Variants in TRPA1 observed in about 807,000 individuals in gnomAD.
The protein encoded by TRPA1 is transient receptor potential cation channel subfamily A member 1, also known as ankyrin-like with transmembrane domains 1.
TRPA1 carries 129 observed loss-of-function variants against 131.3 expected under a neutral mutation model. The observed-to-expected ratio is 0.98, with a 90% CI of 0.85 to 1.14. The LOEUF is 1.14. Among genes scored for constraint, TRPA1 ranks in the 50% most tolerant of loss-of-function variants. The pLI is 0.00. For missense variants in TRPA1, 1,304 were observed against 1,354.2 expected (o/e 0.96, Z 0.58); for synonymous variants, 441 against 451.7 (o/e 0.98, Z 0.30).
intron 4 of TRPA1, 89 bp downstream of exon 4, chr8:72,065,360 GAA>G (rs1472094574): frequency 3.4e-5 from 42 of 1,222,298 alleles, no homozygotes; most frequent in Non-Finnish European, 1.2e-6. Context: ...TTTCTAAGGA[GAA>G]AAACTTAAGA....
At position 72,039,023 on chromosome 8, in the gene TRPA1, C is replaced by G. The variant is rs757017078; in HGVS notation, c.2137G>C (p.Ala713Pro). 4 of 1,611,998 alleles carry G rather than the reference C, an allele frequency of 2.5e-6. No homozygotes were observed. Among genetic ancestry groups the G allele is most frequent in the Middle Eastern group, 1.7e-4 (1 of 6,050 alleles). The change falls in exon 19 of 27, where the codon GCT (alanine) becomes CCT (proline). Residue 713 changes from alanine to proline, a missense_variant. Transcript: ENST00000262209. ...ATCATATGAGCTCTAAATCCATAAGCCAACCTACAAAAATATAAGCAAACC... is the reference window on the plus strand; with the variant it reads ...ATCATATGAGCTCTAAATCCATAAGGCAACCTACAAAAATATAAGCAAACC... ...CKEYLLMKWL[A>P]YGFRAHMMNL...
Position 72,056,899 on chromosome 8 carries a change from T to A in TRPA1, c.1194+18A>T. 1 of 1,567,844 alleles carries A rather than the reference T, an allele frequency of 6.4e-7. No individual in the cohort carries two copies. The highest frequency in any genetic ancestry group is 1.1e-5 in the South Asian group (1 of 88,502). On this transcript the variant is annotated intron_variant, in intron 10 of 26. Coordinates refer to ENST00000262209, the MANE Select transcript of TRPA1 (RefSeq NM_007332.3). ...TTGAACCCAACTCAGTTAATGGCAATCCACAGATATACATTACCTGCATAA... is the reference window on the plus strand; with the variant it reads ...TTGAACCCAACTCAGTTAATGGCAAACCACAGATATACATTACCTGCATAA...
In TRPA1 at chr8:72,057,770, A is replaced by G. The variant is rs758385875; in HGVS notation, c.1040T>C (p.Ile347Thr). ...KIDSEGRSPL[I>T]LATASASWNI... is the part of the protein sequence containing the mutation. ...CCAAGATGCAGAAGCAGTTGCTAAT[A>G]TAAGTGGAGAGCGTCCTTCAGAATC... The change falls in exon 9 of 27, where the codon ATA becomes ACA. Residue 347 changes from isoleucine to threonine, a missense_variant. By Grantham distance (89) the Ile-to-Thr change is moderately conservative. Coordinates refer to ENST00000262209, the MANE Select transcript of TRPA1 (RefSeq NM_007332.3). 6.2e-7 allele frequency: 1 copy of G among 1,614,006 alleles called. No homozygotes were observed. The highest frequency in any genetic ancestry group is 1.7e-5 in the Admixed American group (1 of 59,978).
chr8:72,025,648 A>T (rs958417219), intron 25 of TRPA1, among the ~76,000 whole-genome samples: 6 of 152,204 alleles, frequency 3.9e-5, no homozygotes, highest in Non-Finnish European at 8.8e-5. Flanking sequence ...CAAATAAAGT[A>T]TACCTGTACT....
the TRPA1 span, among the ~76,000 whole-genome samples, chr8:72,087,825 C>T: frequency 6.6e-6 from 1 of 152,018 alleles, no homozygotes; most frequent in Non-Finnish European, 1.5e-5. Context: ...AATCTCTCTG[C>T]TCATTTTTGT....
chr8:72,057,941 A>G, intron 8 of TRPA1, 125 bp from the exon 9 acceptor site: 1 of 705,884 alleles, frequency 1.4e-6, no homozygotes, highest in Non-Finnish European at 2.5e-6. Flanking sequence ...ACTGAACCAT[A>G]CGACTAGTTA....
rs372335546 is a variant in TRPA1 at position 72,053,886 on chromosome 8, A to T, written c.1530-19T>A. 2.5e-6 allele frequency: 4 copies of T among 1,590,560 alleles called. No homozygotes were observed. The highest frequency in any genetic ancestry group is 3.4e-6 in the Non-Finnish European group (4 of 1,162,934). On this transcript the variant is annotated intron_variant, in intron 12 of 26. Transcript: ENST00000262209. ...GTGGTCACTGGTAAAGAGTTAAGAAAAGATGTGTGCATACACTTAACAGAT... is the reference window on the plus strand; with the variant it reads ...GTGGTCACTGGTAAAGAGTTAAGAATAGATGTGTGCATACACTTAACAGAT...
chr8:72,038,808 A>C lies in TRPA1; in HGVS notation c.2295+57T>G, dbSNP rs565543480. The C allele has an allele frequency of 1.4e-4, 209 of 1,475,532 alleles. No homozygotes were observed. In the East Asian group the frequency reaches 3.6e-3, roughly 25 times the overall value. The allele number at this position is 1,475,532 out of a possible 1,614,324, so 91.4% of individuals were successfully genotyped here. A position where few individuals can be genotyped will look rare whatever the true frequency, so the allele number is the denominator to read the frequency against. On this transcript the variant is annotated intron_variant, in intron 19 of 26. Coordinates refer to ENST00000262209, the MANE Select transcript of TRPA1 (RefSeq NM_007332.3). ...GATTTATTATGGGTTTAGTAGTCTT[A>C]AGAAAAAATACATTTTTTATAATCC... is the stretch of plus-strand genomic sequence containing the variant.
the TRPA1 span, among the ~76,000 whole-genome samples, chr8:72,085,664 T>C: frequency 0.88 from 134,514 of 152,008 alleles, 59,701 homozygotes; most frequent in African/African-American, 0.94. Context: ...TTAGATGTGT[T>C]GCATGCAAGC....
chr8:72,031,737 A>G (rs1811832767), intron 23 of TRPA1, among the ~76,000 whole-genome samples: 1 of 152,250 alleles, frequency 6.6e-6, no homozygotes, highest in Non-Finnish European at 1.5e-5. Flanking sequence ...AGAAGAGATG[A>G]ATTATTAACT....
chr8:72,051,845 C>T (rs915740027), intron 14 of TRPA1, among the ~76,000 whole-genome samples: 1 of 152,198 alleles, frequency 6.6e-6, no homozygotes, highest in African/African-American at 2.4e-5. Context: ...CCCCTGGAGT[C>T]TCACAAGAGT....
At chr8:72,063,991 C>A (rs1353551964) in intron 4 of TRPA1, among the ~76,000 whole-genome samples, 1 of 152,004 alleles carries the variant, frequency 6.6e-6, no homozygotes, top group East Asian at 1.9e-4. Flanking sequence ...CTTGTTAAGC[C>A]ATGATAATCA....
At chr8:72,060,939 T>C (rs893654333) in intron 7 of TRPA1, among the ~76,000 whole-genome samples, 2 of 151,932 alleles carry the variant, frequency 1.3e-5, no homozygotes, top group East Asian at 3.9e-4. Flanking sequence ...GCTCTGACTG[T>C]GTGTGCTTGT....
At chr8:72,048,496 T>C (rs905089006) in intron 15 of TRPA1, among the ~76,000 whole-genome samples, 1 of 151,946 alleles carries the variant, frequency 6.6e-6, no homozygotes, top group African/African-American at 2.4e-5. Flanking sequence ...ACAACCATCA[T>C]GAAAAATAAA....
chr8:72,066,914 C>A (rs1041500868), intron 3 of TRPA1, among the ~76,000 whole-genome samples: 2 of 152,150 alleles, frequency 1.3e-5, no homozygotes, highest in African/African-American at 4.8e-5. Flanking sequence ...CTCCACAGGT[C>A]CCTTGGTTGA....
upstream of TRPA1, among the ~76,000 whole-genome samples, chr8:72,079,129 T>G (rs1482094883): frequency 6.6e-6 from 1 of 152,036 alleles, no homozygotes; most frequent in Non-Finnish European, 1.5e-5. Flanking sequence ...AGTTCTTTAT[T>G]CTAAATATAA....
In TRPA1 at chr8:72,055,677, G is replaced by C; in HGVS notation, c.1364+9C>G. On this transcript the variant is annotated intron_variant, in intron 11 of 26. Transcript: ENST00000262209. The stretch of plus-strand genomic sequence containing the variant: ...AGACATGTTCATACATTGCTAGACT[G>C]ACCCTTACCTGGCTGCAAAATGCAG... The C allele has an allele frequency of 6.2e-7, 1 of 1,613,646 alleles. No individual in the cohort carries two copies. The highest frequency in any genetic ancestry group is 8.5e-7 in the Non-Finnish European group (1 of 1,179,714).
intron 4 of TRPA1, among the ~76,000 whole-genome samples, chr8:72,064,954 A>G (rs182528353): frequency 4.5e-4 from 69 of 152,302 alleles, no homozygotes; most frequent in African/African-American, 1.6e-3. Flanking sequence ...TTGTCATTAC[A>G]TCATACAGGG....
intron 9 of TRPA1, 137 bp from the exon 10 acceptor site, chr8:72,057,154 G>A (rs1364156989): frequency 5.8e-6 from 4 of 686,590 alleles, no homozygotes; most frequent in African/African-American, 1.8e-5. Flanking sequence ...GTGTTTAGAT[G>A]AGAAAACTAA....
Sources: gnomAD v4.1 joint callset for allele counts (sites outside exome capture counted in the v4.1 genomes callset) on GRCh38, gnomAD v4.1.1 for gene constraint, MANE v1.5 for transcripts, NCBI Gene and HGNC (gene_info 2026-07-23, HGNC 2026-07-21) for gene names.